The following CDH13 variants were observed in gnomAD, a reference collection of about 807,000 sequenced individuals.
CDH13 encodes the protein cadherin-13.
In CDH13, 24 loss-of-function variants were observed where a neutral mutation model predicts 63.8. That is an observed-to-expected ratio of 0.38 (90% CI 0.27 to 0.53). The LOEUF (loss-of-function observed/expected upper bound fraction) is 0.53. Ranked by LOEUF, CDH13 falls within the 20% of genes least tolerant of loss-of-function variation. The pLI, the probability that CDH13 is intolerant of heterozygous loss-of-function variation, is 0.85. For missense variants in CDH13, 1,049 were observed against 903.1 expected, an observed-to-expected ratio of 1.16 and a Z score of -2.07; for synonymous variants, 503 against 355.3, an observed-to-expected ratio of 1.42 and a Z score of -4.67.
At chr16:82,871,122 T>A (rs1452656403) in intron 2 of CDH13, among the ~76,000 whole-genome samples, 2 of 152,230 alleles carry the variant, frequency 1.3e-5, no homozygotes, top group Non-Finnish European at 2.9e-5. Flanking sequence ...CAATACCTGC[T>A]ATTCACTATC....
chr16:82,967,176 A>T (rs963128736), intron 2 of CDH13, among the ~76,000 whole-genome samples: 13 of 152,208 alleles, frequency 8.5e-5, no homozygotes, highest in Admixed American at 2.6e-4. Context: ...CAAGCAAGGA[A>T]CTTCCTATGT....
chr16:83,230,046 G>A (rs2039958494), intron 5 of CDH13, among the ~76,000 whole-genome samples: 1 of 152,218 alleles, frequency 6.6e-6, no homozygotes, highest in African/African-American at 2.4e-5. Context: ...ATCATTAATA[G>A]TTGGGGAATC....
chr16:83,628,381 T>C (rs1910505359), intron 8 of CDH13, among the ~76,000 whole-genome samples: 1 of 152,208 alleles, frequency 6.6e-6, no homozygotes, highest in Admixed American at 6.5e-5. Context: ...ATGCTGGGAT[T>C]ACAGATGTGA....
chr16:83,434,498 A>C (rs1380111329), intron 6 of CDH13, among the ~76,000 whole-genome samples: 1 of 151,958 alleles, frequency 6.6e-6, no homozygotes, highest in African/African-American at 2.4e-5. Flanking sequence ...TCCCATGCCC[A>C]CTGAAGTGCC....
At chr16:83,026,028 C>G (rs1360917561) in intron 2 of CDH13, among the ~76,000 whole-genome samples, 1 of 152,138 alleles carries the variant, frequency 6.6e-6, no homozygotes, top group Non-Finnish European at 1.5e-5. Context: ...GAACCATGGC[C>G]TAAAGCACCT....
chr16:83,164,053 T>C (rs2037558229), intron 4 of CDH13, among the ~76,000 whole-genome samples: 1 of 152,100 alleles, frequency 6.6e-6, no homozygotes, highest in South Asian at 2.1e-4. Flanking sequence ...TTGTTATCTG[T>C]GTCTTACCCA....
At chr16:83,042,311 T>G (rs1299493949) in intron 3 of CDH13, among the ~76,000 whole-genome samples, 2 of 152,202 alleles carry the variant, frequency 1.3e-5, no homozygotes, top group Admixed American at 6.5e-5. Flanking sequence ...CACTGCCTGC[T>G]GTCAGATCAG....
chr16:82,807,764 G>A (rs567615873), intron 1 of CDH13, among the ~76,000 whole-genome samples: 39 of 152,216 alleles, frequency 2.6e-4, no homozygotes, highest in African/African-American at 9.2e-4. Context: ...CACCACAATG[G>A]AGCATTTTAT....
intron 11 of CDH13, among the ~76,000 whole-genome samples, chr16:83,763,487 T>G (rs1475647748): frequency 1.3e-5 from 2 of 152,156 alleles, no homozygotes; most frequent in East Asian, 3.9e-4. Flanking sequence ...AAACTGAGGG[T>G]GGGAGGGGCT....
chr16:83,293,318 C>CA (rs1292466682), intron 5 of CDH13, among the ~76,000 whole-genome samples: 1 of 152,160 alleles, frequency 6.6e-6, no homozygotes, highest in African/African-American at 2.4e-5. Flanking sequence ...GAGTCACAGA[C>CA]ATGTAACCTT....
chr16:83,591,198 C>T (rs554966595), intron 7 of CDH13, among the ~76,000 whole-genome samples: 50 of 152,210 alleles, frequency 3.3e-4, no homozygotes, highest in African/African-American at 1.1e-3. Flanking sequence ...CATGAGCCAC[C>T]GCACCCAGCT....
intron 3 of CDH13, among the ~76,000 whole-genome samples, chr16:83,094,888 C>T (rs1398429003): frequency 6.6e-6 from 1 of 152,134 alleles, no homozygotes; most frequent in Admixed American, 6.5e-5. Flanking sequence ...AGTGAGACCT[C>T]AATCACAATT....
chr16:83,381,194 T>G (rs1023208776), intron 6 of CDH13, among the ~76,000 whole-genome samples: 1 of 152,140 alleles, frequency 6.6e-6, no homozygotes, highest in Admixed American at 6.6e-5. Flanking sequence ...TTTTAGCAAA[T>G]GTACCTTTTT....
chr16:83,139,174 G>A (rs1567867985), intron 4 of CDH13, among the ~76,000 whole-genome samples: 1 of 152,130 alleles, frequency 6.6e-6, no homozygotes, highest in Non-Finnish European at 1.5e-5. Flanking sequence ...ATGGAGGTGG[G>A]CGAACAGGTT....
intron 2 of CDH13, among the ~76,000 whole-genome samples, chr16:83,004,016 G>T (rs1913216237): frequency 6.6e-6 from 1 of 152,216 alleles, no homozygotes; most frequent in Admixed American, 6.5e-5. Context: ...GAATGTGTCA[G>T]ACTAAAGTAG....
intron 1 of CDH13, among the ~76,000 whole-genome samples, chr16:82,828,678 G>A (rs371800827): frequency 6.8e-6 from 1 of 146,320 alleles, no homozygotes; most frequent in African/African-American, 2.5e-5. Flanking sequence ...ATATATATAT[G>A]TATACACAAA....
At chr16:83,304,987 A>G (rs1567577941) in intron 5 of CDH13, among the ~76,000 whole-genome samples, 1 of 152,338 alleles carries the variant, frequency 6.6e-6, no homozygotes, top group East Asian at 1.9e-4. Flanking sequence ...AGCTCCAAGT[A>G]TGTGTAATTG....
At chr16:83,496,597 A>G (rs1469119736) in intron 7 of CDH13, among the ~76,000 whole-genome samples, 6 of 152,330 alleles carry the variant, frequency 3.9e-5, no homozygotes, top group Admixed American at 2.6e-4. Context: ...GGACATAGGC[A>G]TGGGCAAGGA....
intron 1 of CDH13, among the ~76,000 whole-genome samples, chr16:82,667,747 C>G (rs1383316425): frequency 6.6e-6 from 1 of 152,094 alleles, no homozygotes; most frequent in Non-Finnish European, 1.5e-5. Flanking sequence ...CCCCCCGCCT[C>G]TCCCCTTCTG....
Sources: gnomAD v4.1 joint callset for allele counts (sites outside exome capture counted in the v4.1 genomes callset) on GRCh38, gnomAD v4.1.1 for gene constraint, MANE v1.5 for transcripts, NCBI Gene and HGNC (gene_info 2026-07-23, HGNC 2026-07-21) for gene names.